The following ATF7IP variants were observed in gnomAD, a reference collection of about 807,000 sequenced individuals.
ATF7IP encodes activating transcription factor 7-interacting protein 1.
In ATF7IP, 23 loss-of-function variants were observed where a neutral mutation model predicts 106.4. The observed-to-expected ratio is 0.22, with a 90% CI of 0.16 to 0.31. The LOEUF is 0.31. Among genes scored for constraint, ATF7IP ranks in the 10% least tolerant of loss-of-function variants. The probability of loss-of-function intolerance (pLI) is 1.00; values close to 1 mark genes in which losing one functional copy is unlikely to be tolerated. For synonymous variants in ATF7IP, 542 were observed against 539.0 expected, an observed-to-expected ratio of 1.01 and a Z score of -0.08; for missense variants, 1,334 against 1,524.3, an observed-to-expected ratio of 0.88 and a Z score of 2.08.
intron 13 of ATF7IP, among the ~76,000 whole-genome samples, chr12:14,483,659 A>C (rs1944498736): frequency 6.6e-6 from 1 of 151,994 alleles, no homozygotes; most frequent in South Asian, 2.1e-4. Context: ...GGACCCATGA[A>C]TCCTGGCTAT....
chr12:14,417,902 T>C (rs1362404379), intron 1 of ATF7IP, among the ~76,000 whole-genome samples: 1 of 152,190 alleles, frequency 6.6e-6, no homozygotes, highest in Non-Finnish European at 1.5e-5. Flanking sequence ...GGCTGCTGAT[T>C]GGCTGAGTTT....
rs186426998 is a variant in ATF7IP at position 14,489,009 on chromosome 12, C to A, written c.3281-7222C>A. 3.6e-3 allele frequency among the ~76,000 whole-genome samples: 547 copies of A among 152,346 alleles called. 2 individuals are homozygous for A. The highest frequency in any genetic ancestry group is 0.012 in the African/African-American group (518 of 41,572). On this transcript the variant is annotated intron_variant, in intron 13 of 14. Transcript: ENST00000261168. Reference sequence around the variant, plus strand: ...ACATGGTAGTAGCTGGTATTGATGACTACCTTTTTCTACTACCCATTCTGT... The same window carrying A: ...ACATGGTAGTAGCTGGTATTGATGAATACCTTTTTCTACTACCCATTCTGT...
intron 8 of ATF7IP, among the ~76,000 whole-genome samples, chr12:14,459,364 AAAG>A (rs1297213120): frequency 1.3e-5 from 2 of 152,222 alleles, no homozygotes; most frequent in Admixed American, 6.6e-5. Context: ...AATATTAAGA[AAAG>A]AACCCCTATT....
chr12:14,487,728 T>C (rs1433921344), intron 13 of ATF7IP, among the ~76,000 whole-genome samples: 2 of 152,184 alleles, frequency 1.3e-5, no homozygotes, highest in African/African-American at 2.4e-5. Flanking sequence ...GATAACTGTC[T>C]CTCACTCAAG....
chr12:14,426,436 A>G (rs1941848466), intron 2 of ATF7IP, among the ~76,000 whole-genome samples: 1 of 152,010 alleles, frequency 6.6e-6, no homozygotes, highest in Non-Finnish European at 1.5e-5. Flanking sequence ...AGAAAAAAAA[A>G]TGGAGGCAGG....
At chr12:14,478,526 T>C in intron 12 of ATF7IP, 54 bp downstream of exon 12, 1 of 1,587,868 alleles carries the variant, frequency 6.3e-7, no homozygotes, top group Non-Finnish European at 8.6e-7. Context: ...TAGAGAACTA[T>C]GACTATGGAG....
At chr12:14,413,598 T>G (rs1941044292) in intron 1 of ATF7IP, among the ~76,000 whole-genome samples, 1 of 152,214 alleles carries the variant, frequency 6.6e-6, no homozygotes, top group South Asian at 2.1e-4. Context: ...TGTGTAATTA[T>G]TGATAGTAAT....
At chr12:14,454,335 G>A (rs927356855) in intron 6 of ATF7IP, among the ~76,000 whole-genome samples, 1 of 152,112 alleles carries the variant, frequency 6.6e-6, no homozygotes, top group African/African-American at 2.4e-5. Context: ...GTCTGTCTGT[G>A]TTACTGCAAT....
At position 14,460,951 on chromosome 12, in the gene ATF7IP, T is replaced by C. The variant is rs1192723779; in HGVS notation, c.2615T>C (p.Val872Ala). ...SAAPLGTTLA[V>A]QAVPTAHSIV... ...GCACCATTGGGAACAACACTTGCTG[T>C]GCAGGCTGTTCCAACAGCACACTCT... Residue 872 changes from valine (V) to alanine (A), a missense_variant, in exon 9 of 15, where the codon GTG (valine) becomes GCG (alanine). Physicochemically the swap from Val to Ala is moderately conservative, Grantham distance 64. This residue lies in a region of ATF7IP where 370 missense variants were observed against 401.2 expected (regional missense o/e 0.92). Coordinates refer to ENST00000261168, the MANE Select transcript of ATF7IP (RefSeq NM_018179.5). The C allele has an allele frequency of 5.0e-6, 8 of 1,614,050 alleles. No homozygotes were observed. Among genetic ancestry groups the C allele is most frequent in the Non-Finnish European group, 6.8e-6 (8 of 1,180,040 alleles).
At chr12:14,372,157 T>A (rs1453032089) in intron 1 of ATF7IP, among the ~76,000 whole-genome samples, 1 of 152,146 alleles carries the variant, frequency 6.6e-6, no homozygotes, top group Non-Finnish European at 1.5e-5. Flanking sequence ...ATTTAAACAT[T>A]ACTTTGCCAT....
chr12:14,422,690 A>AT (rs1035505732), intron 1 of ATF7IP, among the ~76,000 whole-genome samples: 2 of 152,050 alleles, frequency 1.3e-5, no homozygotes, highest in African/African-American at 4.8e-5. Context: ...CACTCAGCAT[A>AT]TTTTTAAGGT....
intron 6 of ATF7IP, among the ~76,000 whole-genome samples, chr12:14,453,872 G>T (rs538775262): frequency 1.8e-4 from 27 of 152,218 alleles, no homozygotes; most frequent in African/African-American, 6.0e-4. Context: ...TGATCTGCCC[G>T]CCTCGGCCTC....
intron 1 of ATF7IP, among the ~76,000 whole-genome samples, chr12:14,404,070 T>C (rs1467680321): frequency 6.6e-6 from 1 of 152,104 alleles, no homozygotes; most frequent in Admixed American, 6.6e-5. Flanking sequence ...CTCATAAACA[T>C]TGGTAATACT....
chr12:14,417,055 AAAAT>A (rs1438443541), intron 1 of ATF7IP: 3 of 504,272 alleles, frequency 5.9e-6, no homozygotes, highest in East Asian at 1.5e-4. Flanking sequence ...ATTTGAGAAA[AAAAT>A]TCTGATAACA....
intron 2 of ATF7IP, among the ~76,000 whole-genome samples, chr12:14,428,752 A>G (rs1424509546): frequency 1.3e-5 from 2 of 152,226 alleles, no homozygotes; most frequent in African/African-American, 4.8e-5. Flanking sequence ...TATGTTTTAA[A>G]TAAAGCAATT....
chr12:14,391,931 G>A (rs1296003584), intron 1 of ATF7IP, among the ~76,000 whole-genome samples: 1 of 151,998 alleles, frequency 6.6e-6, no homozygotes, highest in African/African-American at 2.4e-5. Flanking sequence ...ATGTTGGCCA[G>A]GTTGGTCTCG....
chr12:14,419,398 T>G (rs1299870289), intron 1 of ATF7IP: 3 of 152,182 alleles, frequency 2.0e-5, no homozygotes, highest in African/African-American at 7.2e-5. Context: ...TATTAAAAGT[T>G]ATGAATTTTT....
chr12:14,384,026 A>G (rs964274371), intron 1 of ATF7IP, among the ~76,000 whole-genome samples: 6 of 152,168 alleles, frequency 3.9e-5, no homozygotes, highest in African/African-American at 1.4e-4. Flanking sequence ...CCTTTTAAAG[A>G]TAAGTAATTT....
chr12:14,442,076 A>G (rs1471273317), intron 5 of ATF7IP, among the ~76,000 whole-genome samples: 1 of 152,044 alleles, frequency 6.6e-6, no homozygotes, highest in African/African-American at 2.4e-5. Context: ...TATATCTGAT[A>G]CCTTTTTTGT....
Sources: allele counts gnomAD v4.1 joint callset (sites outside exome capture counted in the v4.1 genomes callset), GRCh38; gene constraint gnomAD v4.1.1; regional missense constraint gnomAD v4.1.1; transcripts MANE v1.5; gene names NCBI Gene and HGNC (gene_info 2026-07-23, HGNC 2026-07-21).